CRHR2: variants seen among roughly 807,000 people sequenced by gnomAD.
CRHR2 encodes the protein corticotropin-releasing hormone receptor 2.
Under a neutral mutation model 57.9 loss-of-function variants are expected in CRHR2, and 53 were observed. The observed-to-expected ratio is 0.92, with a 90% CI of 0.73 to 1.15. The LOEUF is 1.15. CRHR2 is among the 50% of genes most tolerant of loss of function. CRHR2 has a pLI of 0.00. For missense variants in CRHR2, 532 were observed against 542.6 expected (o/e 0.98, Z 0.19); for synonymous variants, 213 against 220.9 (o/e 0.96, Z 0.32).
chr7:30,690,006 G>A (rs373705514), intron 1 of CRHR2, among the ~76,000 whole-genome samples: 5 of 152,158 alleles, frequency 3.3e-5, no homozygotes, highest in East Asian at 1.9e-4. Flanking sequence ...TGCAATAATG[G>A]CAATTCCATC....
At chr7:30,686,355 TCAGCCC>T (rs1784856444), upstream of CRHR2, 1 of 1,509,394 alleles carries the variant, frequency 6.6e-7, no homozygotes, top group African/African-American at 1.4e-5. Flanking sequence ...GCTCTAGACT[TCAGCCC>T]AGTGAGTCAC....
intron 5 of CRHR2, among the ~76,000 whole-genome samples, chr7:30,664,340 A>T (rs529436248): frequency 9.0e-4 from 137 of 152,242 alleles, no homozygotes; most frequent in Non-Finnish European, 1.6e-3. Flanking sequence ...GTGGACAGTT[A>T]GCATGTGGGA....
In CRHR2 at chr7:30,699,651, G is replaced by A. The variant is rs1785127790; in HGVS notation, c.-261+293C>T. The A allele has an allele frequency of 1.2e-5, 3 of 240,662 alleles. No homozygotes were observed. The South Asian group carries it at 1.5e-4, about 12-fold the overall frequency. The allele number at this position is 240,662 out of a possible 1,614,324, so 14.9% of individuals were successfully genotyped here. A position where few individuals can be genotyped will look rare whatever the true frequency, so the allele number is the denominator to read the frequency against. On this transcript the variant is annotated intron_variant, in intron 1 of 13. Transcript: ENST00000341843. ...CAGAACCCTCTGCTTATCCACAGGG[G>A]TCTCCCAGTCTCATCCTGGCCAGCC...
In CRHR2 at chr7:30,698,558, C is replaced by T. The variant is rs186630073; in HGVS notation, c.-261+1386G>A. 4.6e-5 allele frequency among the ~76,000 whole-genome samples: 7 copies of T among 152,322 alleles called. No individual in the cohort carries two copies. In the East Asian group the frequency reaches 1.4e-3, roughly 29 times the overall value. On this transcript the variant is annotated intron_variant, in intron 1 of 13. Transcript: ENST00000341843. The stretch of plus-strand genomic sequence containing the variant: ...GTGGATGGTGAGCCCCCTGTACAAC[C>T]TTCACCCATCCCAATTGCAGTCTGC...
chr7:30,666,833 G>A (rs867051869), intron 3 of CRHR2, among the ~76,000 whole-genome samples: 2 of 150,958 alleles, frequency 1.3e-5, no homozygotes, highest in South Asian at 4.1e-4. Context: ...GACAGCCCTT[G>A]GGGGGCTGCA....
At position 30,653,352 on chromosome 7, in the gene CRHR2, GTC is replaced by G. The variant is rs1303605796; in HGVS notation, c.*106_*107del. The G allele has an allele frequency of 1.4e-6, 2 of 1,455,704 alleles. No individual in the cohort carries two copies. Among genetic ancestry groups the G allele is most frequent in the South Asian group, 1.3e-5 (1 of 74,840 alleles). The allele number at this position is 1,455,704 out of a possible 1,614,324, so 90.2% of individuals were successfully genotyped here. A position where few individuals can be genotyped will look rare whatever the true frequency, so the allele number is the denominator to read the frequency against. On this transcript the variant is annotated 3_prime_UTR_variant, in exon 12 of 12. Transcript: ENST00000471646. This position sits in a 1 kb window ranked among gnomAD's most constrained non-coding sequence, Gnocchi z 5.0. The stretch of plus-strand genomic sequence containing the variant: ...TCTTTCCTGCCAGGCTGGAGAGCTG[GTC>G]TCTCCCCTCCCATCTCCTGCCCCAC...
intron 8 of CRHR2, 104 bp downstream of exon 8, chr7:30,660,469 C>T (rs927732447): frequency 1.2e-5 from 14 of 1,188,756 alleles, no homozygotes; most frequent in South Asian, 4.1e-5. Context: ...AGAGTGTGTG[C>T]GCAGGGCTGC....
At chr7:30,673,416 C>T (rs1784424665) in intron 2 of CRHR2, among the ~76,000 whole-genome samples, 1 of 151,974 alleles carries the variant, frequency 6.6e-6, no homozygotes, top group Non-Finnish European at 1.5e-5. Flanking sequence ...CGGGGTCTCA[C>T]TATGTGGTTT....
chr7:30,655,483 T>G, intron 10 of CRHR2, 97 bp downstream of exon 10: 1 of 1,417,364 alleles, frequency 7.1e-7, no homozygotes, highest in Non-Finnish European at 9.6e-7. Flanking sequence ...GAGCCATGGG[T>G]GTGCCAGTCC....
chr7:30,662,116 C>T (rs1391328993), intron 7 of CRHR2, 40 bp downstream of exon 7: 1 of 1,609,724 alleles, frequency 6.2e-7, no homozygotes, highest in East Asian at 2.2e-5. Flanking sequence ...CACCCCCATT[C>T]CCTTCCCCAT....
At position 30,660,140 on chromosome 7, in the gene CRHR2, C is replaced by T. The variant is rs113613277; in HGVS notation, c.831+433G>A. Among the ~76,000 whole-genome samples, 879 of 152,304 alleles carry T rather than the reference C, an allele frequency of 5.8e-3. 9 individuals are homozygous for T. The highest frequency in any genetic ancestry group is 0.02 in the African/African-American group (839 of 41,562). On this transcript the variant is annotated intron_variant, in intron 8 of 11. Coordinates refer to ENST00000471646, the MANE Select transcript of CRHR2 (RefSeq NM_001883.5). ...CATTATGCTGCATCCCGGTATTCAC[C>T]GCTTCAGGCTGGGGGTGGTGGGCTG...
chr7:30,695,933 G>A (rs1350847138), intron 1 of CRHR2, among the ~76,000 whole-genome samples: 1 of 152,148 alleles, frequency 6.6e-6, no homozygotes, highest in Non-Finnish European at 1.5e-5. Flanking sequence ...GGTAAAAATA[G>A]GTGAGGTGCA....
chr7:30,659,889 C>A (rs543878771), intron 8 of CRHR2, among the ~76,000 whole-genome samples: 20 of 152,282 alleles, frequency 1.3e-4, no homozygotes, highest in African/African-American at 4.8e-4. Flanking sequence ...ATAAGTCTTA[C>A]GTAAATGCCA....
intron 2 of CRHR2, 84 bp downstream of exon 2, chr7:30,681,831 C>T: frequency 6.7e-7 from 1 of 1,496,496 alleles, no homozygotes; most frequent in Non-Finnish European, 8.9e-7. Context: ...CTTTGTACCG[C>T]TGGGTCCGGA....
At chr7:30,688,755 A>G (rs1019949050) in intron 2 of CRHR2, 3 of 455,234 alleles carry the variant, frequency 6.6e-6, no homozygotes, top group African/African-American at 4.0e-5. Flanking sequence ...TGAATCAGCC[A>G]CTGGAAACCT....
Position 30,665,604 on chromosome 7 carries a change from A to C in CRHR2, c.351T>G (p.Leu117=), listed in dbSNP as rs1784159271. The change falls in exon 4 of 12, where the codon CTT becomes CTG. Residue 117 remains leucine (L), a synonymous_variant. Transcript: ENST00000471646. The surrounding 1 kb of genome is among the most constrained non-coding windows in gnomAD (Gnocchi z 4.5). ...RKYDLHYRIA[L]VVNYLGHCVS... is the part of the protein sequence containing the mutation. ...CGCAGTGGCCCAGGTAGTTGACGACAAGGGCGATGCGGTAGTGCAGGTCAT... is the reference window on the plus strand; with the variant it reads ...CGCAGTGGCCCAGGTAGTTGACGACCAGGGCGATGCGGTAGTGCAGGTCAT... 6.4e-7 allele frequency: 1 copy of C among 1,562,186 alleles called. No homozygotes were observed. Among genetic ancestry groups the C allele is most frequent in the African/African-American group, 1.4e-5 (1 of 73,600 alleles).
intron 1 of CRHR2, among the ~76,000 whole-genome samples, chr7:30,696,884 T>A (rs1785067381): frequency 6.6e-6 from 1 of 152,094 alleles, no homozygotes; most frequent in South Asian, 2.1e-4. Flanking sequence ...CTTAAAGTGC[T>A]GCAAATTTGA....
In CRHR2 at chr7:30,682,350, C is replaced by G; in HGVS notation, c.-70G>C. 6.9e-7 allele frequency: 1 copy of G among 1,439,340 alleles called. No individual in the cohort carries two copies. The highest frequency in any genetic ancestry group is 2.9e-5 in the East Asian group (1 of 34,430). The allele number at this position is 1,439,340 out of a possible 1,614,324, so 89.2% of individuals were successfully genotyped here. On this transcript the variant is annotated 5_prime_UTR_variant, in exon 1 of 12. Coordinates refer to ENST00000471646, the MANE Select transcript of CRHR2 (RefSeq NM_001883.5). ...CGGCGTGACTGCGAGGGAGTGGACG[C>G]GAGAGTGAGCGGCCGAGAGGGCGCG...
At chr7:30,680,876 T>A (rs1454022835) in intron 2 of CRHR2, among the ~76,000 whole-genome samples, 1 of 149,472 alleles carries the variant, frequency 6.7e-6, no homozygotes, top group Admixed American at 6.7e-5. Flanking sequence ...GAGGTGGAGC[T>A]GGGCTACCAA....
Sources: gnomAD v4.1 joint callset for allele counts (sites outside exome capture counted in the v4.1 genomes callset) on GRCh38, gnomAD v4.1.1 for gene constraint, Gnocchi (gnomAD v3.1) non-coding constraint, MANE v1.5 for transcripts, NCBI Gene and HGNC (gene_info 2026-07-23, HGNC 2026-07-21) for gene names.